TGFBR3: variants seen among roughly 807,000 people sequenced by gnomAD.
TGFBR3 encodes transforming growth factor beta receptor type 3.
A neutral mutation model predicts 87.9 loss-of-function variants in TGFBR3; 46 were observed. The ratio of observed to expected loss-of-function variants is 0.52; its 90% CI spans 0.41 to 0.67. The LOEUF (loss-of-function observed/expected upper bound fraction) is 0.67, where lower values mean the gene tolerates loss of function less well. Ranked by LOEUF, TGFBR3 falls within the 30% of genes least tolerant of loss-of-function variation. TGFBR3 has a pLI of 0.00. For missense variants in TGFBR3, 866 were observed against 1,041.9 expected (o/e 0.83, Z 2.32); for synonymous variants, 381 against 391.6 (o/e 0.97, Z 0.32).
intron 4 of TGFBR3, among the ~76,000 whole-genome samples, chr1:91,756,228 G>A (rs1052899058): frequency 3.3e-5 from 5 of 152,166 alleles, no homozygotes; most frequent in Non-Finnish European, 2.9e-5. Context: ...AAGTAGCCAC[G>A]CACAGCTATT....
At chr1:91,793,315 C>CT (rs1439040041) in intron 3 of TGFBR3, among the ~76,000 whole-genome samples, 12 of 152,098 alleles carry the variant, frequency 7.9e-5, no homozygotes, top group African/African-American at 2.7e-4. Context: ...GATCTTGATA[C>CT]TGATCTTGCA....
At chr1:91,722,387 C>T (rs1672401005) in intron 7 of TGFBR3, among the ~76,000 whole-genome samples, 1 of 152,060 alleles carries the variant, frequency 6.6e-6, no homozygotes, top group South Asian at 2.1e-4. Flanking sequence ...TAAAAAAAAT[C>T]ATCCAATGAC....
At chr1:91,713,930 G>A (rs1231002658) in intron 12 of TGFBR3, among the ~76,000 whole-genome samples, 1 of 151,980 alleles carries the variant, frequency 6.6e-6, no homozygotes, top group East Asian at 1.9e-4. Context: ...AAGAAAGTAT[G>A]TAGCGGCAGA....
intron 2 of TGFBR3, among the ~76,000 whole-genome samples, chr1:91,896,186 C>T (rs1248698618): frequency 6.6e-6 from 1 of 152,204 alleles, no homozygotes; most frequent in Admixed American, 6.5e-5. Context: ...ACACTATAAG[C>T]ACCATGAAGG....
chr1:91,712,948 C>T (rs1304039408), intron 12 of TGFBR3, among the ~76,000 whole-genome samples: 1 of 152,198 alleles, frequency 6.6e-6, no homozygotes, highest in Non-Finnish European at 1.5e-5. Flanking sequence ...AAGCTAAGCT[C>T]TTTTTAAAGA....
chr1:91,786,530 C>T (rs919971566), intron 3 of TGFBR3, among the ~76,000 whole-genome samples: 13 of 152,224 alleles, frequency 8.5e-5, no homozygotes, highest in African/African-American at 3.1e-4. Context: ...ATGGATGGAT[C>T]ACTTGAGGCC....
At chr1:91,780,457 C>T (rs1674718572) in intron 3 of TGFBR3, among the ~76,000 whole-genome samples, 1 of 150,252 alleles carries the variant, frequency 6.7e-6, no homozygotes, top group Non-Finnish European at 1.5e-5. Context: ...TCCCTGAGAG[C>T]AGTGATTCTT....
chr1:91,741,125 G>A (rs1017080842), intron 4 of TGFBR3, among the ~76,000 whole-genome samples: 1 of 152,186 alleles, frequency 6.6e-6, no homozygotes, highest in South Asian at 2.1e-4. Context: ...AGATAGGTCA[G>A]ACCGCACAGA....
intron 4 of TGFBR3, among the ~76,000 whole-genome samples, chr1:91,740,629 T>TGCTGGGATTATAGGCCTGAGCC (rs1553163693): frequency 6.6e-6 from 1 of 152,180 alleles, no homozygotes; most frequent in Non-Finnish European, 1.5e-5. Flanking sequence ...CCTTCCAAAG[T>TGCTGGGATTATAGGCCTGAGCC]GCTGGGATTA....
rs12034795 is a variant in TGFBR3, at chr1:91,688,070, C to T, written c.2438-4213G>A. Among the ~76,000 whole-genome samples the T allele has an allele frequency of 2.1e-3, 321 of 152,198 alleles. 8 individuals are homozygous for T. In the East Asian group the frequency reaches 0.052, roughly 25 times the overall value. On this transcript the variant is annotated intron_variant, in intron 16 of 16. Coordinates refer to ENST00000212355, the MANE Select transcript of TGFBR3 (RefSeq NM_003243.5). ...TTTTTATCATTTTCAAATTTCATTC[C>T]TCCCCAGCCTCCACACAAAAGACTC...
chr1:91,858,138 G>GGATGAAA (rs1435039931), intron 2 of TGFBR3, among the ~76,000 whole-genome samples: 3 of 152,048 alleles, frequency 2.0e-5, no homozygotes, highest in African/African-American at 7.3e-5. Context: ...GTATTTATGA[G>GGATGAAA]GATGAAATGA....
chr1:91,785,961 G>A (rs1288251268), intron 3 of TGFBR3, among the ~76,000 whole-genome samples: 1 of 151,906 alleles, frequency 6.6e-6, no homozygotes, highest in African/African-American at 2.4e-5. Flanking sequence ...ACAGGGTTTT[G>A]CCATATTGCC....
rs1490819634 is a variant in TGFBR3 at position 91,682,179 on chromosome 1, C to T, written c.*1560G>A. On this transcript the variant is annotated 3_prime_UTR_variant, in exon 17 of 17. Transcript: ENST00000212355. ...GTAGACACTGCCCTAAGGTTTTAAG[C>T]TTCATCAGGATTACCTACTGAGGTT... 2 of 454,042 alleles carry T rather than the reference C, an allele frequency of 4.4e-6. No homozygotes were observed. The highest frequency in any genetic ancestry group is 7.0e-5 in the East Asian group (1 of 14,388). The allele number at this position is 454,042 out of a possible 1,614,324, so 28.1% of individuals were successfully genotyped here.
At chr1:91,751,775 T>C (rs1299185773) in intron 4 of TGFBR3, among the ~76,000 whole-genome samples, 1 of 152,242 alleles carries the variant, frequency 6.6e-6, no homozygotes, top group Non-Finnish European at 1.5e-5. Flanking sequence ...AGTTTTGATT[T>C]GTTTTTAATC....
At chr1:91,793,796 ACT>A (rs1207785198) in intron 3 of TGFBR3, among the ~76,000 whole-genome samples, 1 of 119,914 alleles carries the variant, frequency 8.3e-6, no homozygotes, top group Admixed American at 9.7e-5. Flanking sequence ...ACACAGCAAG[ACT>A]CTGTCTCAAA....
At chr1:91,707,406 G>C (rs547982710) in intron 14 of TGFBR3, among the ~76,000 whole-genome samples, 1 of 152,332 alleles carries the variant, frequency 6.6e-6, no homozygotes, top group East Asian at 1.9e-4. Context: ...ACACTAGACA[G>C]TACCTGCATG....
At chr1:91,698,536 G>C (rs1671508189) in intron 14 of TGFBR3, among the ~76,000 whole-genome samples, 1 of 145,060 alleles carries the variant, frequency 6.9e-6, no homozygotes, top group Non-Finnish European at 1.5e-5. Context: ...TTTTTTTGAG[G>C]GTCTCACTTT....
At position 91,856,123 on chromosome 1, in the gene TGFBR3, C is replaced by T. The variant is rs56066155; in HGVS notation, c.61+5348G>A. The stretch of plus-strand genomic sequence containing the variant: ...TGTCGCCCAGGCTGGAGTGCAGTGG[C>T]GCGATCTCAGCTCACTGCAAGCTCC... On this transcript the variant is annotated intron_variant, in intron 2 of 16. Transcript: ENST00000212355. 5.9e-3 allele frequency among the ~76,000 whole-genome samples: 894 copies of T among 152,158 alleles called. 5 individuals carry two copies. The highest frequency in any genetic ancestry group is 7.1e-3 in the Non-Finnish European group (486 of 68,002).
intron 2 of TGFBR3, among the ~76,000 whole-genome samples, chr1:91,814,999 T>C (rs1336324538): frequency 6.6e-6 from 1 of 152,120 alleles, no homozygotes; most frequent in African/African-American, 2.4e-5. Flanking sequence ...GTGAGCAATT[T>C]ATAAAAGCAG....
Sources: gnomAD v4.1 joint callset for allele counts (sites outside exome capture counted in the v4.1 genomes callset) on GRCh38, gnomAD v4.1.1 for gene constraint, MANE v1.5 for transcripts, NCBI Gene and HGNC (gene_info 2026-07-23, HGNC 2026-07-21) for gene names.